The following NCF2 variants were observed in gnomAD, a reference collection of about 807,000 sequenced individuals.
The protein encoded by NCF2 is neutrophil cytosolic factor 2, also known as neutrophil cytosol factor 2.
NCF2 carries 45 observed loss-of-function variants against 70.9 expected under a neutral mutation model. The ratio of observed to expected loss-of-function variants is 0.63; its 90% CI spans 0.50 to 0.81. The LOEUF is 0.81. Ranked by LOEUF, NCF2 falls within the 40% of genes least tolerant of loss-of-function variation. The pLI, the probability that NCF2 is intolerant of heterozygous loss-of-function variation, is 0.00. For missense variants in NCF2, 522 were observed against 631.6 expected (o/e 0.83, Z 1.86); for synonymous variants, 203 against 233.6 (o/e 0.87, Z 1.19).
chr1:183,592,762 C>G (rs1673710253), upstream of NCF2, among the ~76,000 whole-genome samples: 1 of 152,106 alleles, frequency 6.6e-6, no homozygotes, highest in Admixed American at 6.5e-5. Flanking sequence ...ATTATCCCAC[C>G]CTGACACTCA....
Position 183,565,707 on chromosome 1 carries a change from G to C in NCF2, c.997C>G (p.Pro333Ala), listed in dbSNP as rs1558093746. Residue 333 changes from proline (P) to alanine (A), a missense_variant, in exon 10 of 15, where the codon CCA becomes GCA. By Grantham distance (27) the Pro-to-Ala change is conservative (BLOSUM62 -1). Coordinates refer to ENST00000367535, the MANE Select transcript of NCF2 (RefSeq NM_000433.4). The stretch of plus-strand genomic sequence containing the variant: ...CTGTGGCTCCAGGACCACTCACCTG[G>C]TGACAGCTGGGGTCTTCCAGGGGCT... Reference protein sequence around the residue: ...SKAPGRPQLSPGQKQKEEPKE... With the variant: ...SKAPGRPQLSAGQKQKEEPKE... The C allele has an allele frequency of 1.2e-6, 2 of 1,612,438 alleles. No individual in the cohort carries two copies. Among genetic ancestry groups the C allele is most frequent in the Non-Finnish European group, 1.7e-6 (2 of 1,179,994 alleles).
intron 3 of NCF2, among the ~76,000 whole-genome samples, chr1:183,575,573 C>A (rs1235886494): frequency 1.3e-5 from 2 of 152,132 alleles, no homozygotes; most frequent in South Asian, 2.1e-4. Flanking sequence ...GGATGCATTA[C>A]CAAGATCTAA....
At chr1:183,595,754 C>A (rs1673753757), upstream of NCF2, among the ~76,000 whole-genome samples, 1 of 152,100 alleles carries the variant, frequency 6.6e-6, no homozygotes, top group African/African-American at 2.4e-5. Context: ...CCAGGCCCAC[C>A]CAGAATATTC....
At chr1:183,582,986 A>G (rs1241232903) in intron 2 of NCF2, among the ~76,000 whole-genome samples, 1 of 152,152 alleles carries the variant, frequency 6.6e-6, no homozygotes, top group East Asian at 1.9e-4. Flanking sequence ...AGAGGGAAAT[A>G]GAGGGGGAAA....
chr1:183,567,520 A>C, intron 7 of NCF2, 175 bp from the exon 8 acceptor site: 1 of 834,888 alleles, frequency 1.2e-6, no homozygotes, highest in East Asian at 2.5e-5. Flanking sequence ...TCAGCAAGAA[A>C]CTGGTGTACA....
chr1:183,567,548 A>G (rs770409907), intron 7 of NCF2: 7 of 733,834 alleles, frequency 9.5e-6, no homozygotes, highest in Non-Finnish European at 1.7e-5. Flanking sequence ...ATAACCATAT[A>G]TGCAGAGGGG....
intron 2 of NCF2, 57 bp from the exon 3 acceptor site, chr1:183,577,764 A>G (rs1672864687): frequency 1.6e-6 from 2 of 1,231,706 alleles, no homozygotes; most frequent in Non-Finnish European, 2.4e-6. Context: ...TAAATGCAGC[A>G]TAAAATGTGA....
rs13306577 is a variant in NCF2 at position 183,555,715 on chromosome 1, A to AGAT, written c.*400_*402dup. On this transcript the variant is annotated 3_prime_UTR_variant, in exon 15 of 15. Coordinates refer to ENST00000367535, the MANE Select transcript of NCF2 (RefSeq NM_000433.4). ...TGGACTTGGGTGTCTTGTTTTTGTA[A>AGAT]GATGCTAGGTTTTTTTTTATTGTGG... 51,366 of 204,406 alleles carry AGAT rather than the reference A, an allele frequency of 0.25. 7,987 individuals are homozygous for AGAT. The highest frequency in any genetic ancestry group is 0.32 in the Non-Finnish European group (31,886 of 98,682). 12.7% of individuals were successfully genotyped at this position (204,406 alleles called of 1,614,324 possible). A position where few individuals can be genotyped will look rare whatever the true frequency, so the allele number is the denominator to read the frequency against.
At chr1:183,573,411 C>T in intron 4 of NCF2, 119 bp from the exon 5 acceptor site, 1 of 964,726 alleles carries the variant, frequency 1.0e-6, no homozygotes, top group Non-Finnish European at 1.7e-6. Context: ...AAGCCCTTTT[C>T]CAAATGAGTG....
chr1:183,593,935 T>C (rs982291392), upstream of NCF2, among the ~76,000 whole-genome samples: 21 of 152,098 alleles, frequency 1.4e-4, no homozygotes, highest in African/African-American at 4.8e-4. Context: ...ATAAAACACA[T>C]GAGAAGAAAC....
At position 183,566,902 on chromosome 1, in the gene NCF2, G is replaced by C. The variant is rs757058752; in HGVS notation, c.924+18C>G. On this transcript the variant is annotated intron_variant, in intron 9 of 14. Coordinates refer to ENST00000367535, the MANE Select transcript of NCF2 (RefSeq NM_000433.4). ...TAAAGGGTGAGAGGAAATGGGTCAG[G>C]CCTTGGCATCACATTACCTGGGGCT... The C allele has an allele frequency of 1.4e-5, 22 of 1,613,384 alleles. No homozygotes were observed. In the East Asian group the frequency reaches 2.2e-4, roughly 16 times the overall value.
intron 2 of NCF2, among the ~76,000 whole-genome samples, chr1:183,583,589 A>G (rs920575188): frequency 1.2e-4 from 19 of 152,374 alleles, no homozygotes; most frequent in Non-Finnish European, 2.5e-4. Context: ...CTAGATACTG[A>G]AATACAAGCA....
chr1:183,557,623 G>A (rs1671849661), intron 14 of NCF2, among the ~76,000 whole-genome samples: 1 of 152,182 alleles, frequency 6.6e-6, no homozygotes, highest in Non-Finnish European at 1.5e-5. Flanking sequence ...TACAATATGG[G>A]TATTTCCTCA....
At chr1:183,587,273 C>T (rs1362681790) in intron 1 of NCF2, among the ~76,000 whole-genome samples, 1 of 152,108 alleles carries the variant, frequency 6.6e-6, no homozygotes, top group African/African-American at 2.4e-5. Context: ...TTTTGTTAGT[C>T]ATATATGGCC....
In NCF2 at chr1:183,555,858, G is replaced by A. The variant is rs1245986708; in HGVS notation, c.*260C>T. ...ATCAGTACCTGGAAGACTCTCTCGTGCCCTTTCCAGACACTTCCATCCACT... is the reference window on the plus strand; with the variant it reads ...ATCAGTACCTGGAAGACTCTCTCGTACCCTTTCCAGACACTTCCATCCACT... On this transcript the variant is annotated 3_prime_UTR_variant, in exon 15 of 15. Coordinates refer to ENST00000367535, the MANE Select transcript of NCF2 (RefSeq NM_000433.4). 1 of 549,590 alleles carries A rather than the reference G, an allele frequency of 1.8e-6. No individual in the cohort carries two copies. The highest frequency in any genetic ancestry group is 3.1e-5 in the Admixed American group (1 of 32,244). 34.0% of individuals were successfully genotyped at this position (549,590 alleles called of 1,614,324 possible).
intron 10 of NCF2, among the ~76,000 whole-genome samples, chr1:183,565,370 A>G (rs1037107807): frequency 2.6e-5 from 4 of 152,206 alleles, no homozygotes; most frequent in Non-Finnish European, 5.9e-5. Context: ...CCTCAGAGAT[A>G]AGCAGGTATA....
At chr1:183,556,687 C>T (rs1240066878) in intron 14 of NCF2, among the ~76,000 whole-genome samples, 4 of 152,042 alleles carry the variant, frequency 2.6e-5, no homozygotes, top group Non-Finnish European at 5.9e-5. Context: ...TGTGCCACCA[C>T]GCTTGGTTAA....
chr1:183,556,430 A>T (rs1482016287), intron 14 of NCF2, among the ~76,000 whole-genome samples, 200 bp from the exon 15 acceptor site: 3 of 152,220 alleles, frequency 2.0e-5, no homozygotes, highest in Non-Finnish European at 4.4e-5. Flanking sequence ...AAACATGATA[A>T]TGAGCAAAAT....
chr1:183,558,334 C>T (rs1488055095), intron 14 of NCF2, among the ~76,000 whole-genome samples: 1 of 151,496 alleles, frequency 6.6e-6, no homozygotes, highest in African/African-American at 2.4e-5. Context: ...GTGGCACAAT[C>T]TCAGCTCACT....
Sources: gnomAD v4.1 joint callset for allele counts (sites outside exome capture counted in the v4.1 genomes callset) on GRCh38, gnomAD v4.1.1 for gene constraint, MANE v1.5 for transcripts, NCBI Gene and HGNC (gene_info 2026-07-23, HGNC 2026-07-21) for gene names.